TRAPPC11: variants seen among roughly 807,000 people sequenced by gnomAD.
TRAPPC11 encodes the protein foie gras homolog.
Under a neutral mutation model 151.2 loss-of-function variants are expected in TRAPPC11, and 104 were observed. The ratio of observed to expected loss-of-function variants is 0.69; its 90% confidence interval spans 0.59 to 0.81. The LOEUF is 0.81. Ranked by LOEUF, TRAPPC11 falls within the 30% of genes least tolerant of loss-of-function variation. The probability of loss-of-function intolerance (pLI) is 0.00; values close to 1 mark genes in which losing one functional copy is unlikely to be tolerated. For synonymous variants in TRAPPC11, 456 were observed against 472.3 expected, an observed-to-expected ratio of 0.97 and a Z score of 0.45; for missense variants, 1,230 against 1,349.6, an observed-to-expected ratio of 0.91 and a Z score of 1.39.
At chr4:183,670,183 T>C (rs1400058782) in intron 5 of TRAPPC11, among the ~76,000 whole-genome samples, 1 of 152,214 alleles carries the variant, frequency 6.6e-6, no homozygotes, top group African/African-American at 2.4e-5. Flanking sequence ...TTTCAGAGCC[T>C]TTCGAGGTAT....
intron 14 of TRAPPC11, 130 bp downstream of exon 14, chr4:183,684,489 A>G: frequency 9.4e-7 from 1 of 1,068,464 alleles, no homozygotes; most frequent in Non-Finnish European, 1.3e-6. Flanking sequence ...CATTTCTGTA[A>G]TGTTTTTTTC....
chr4:183,680,766 CCTCCATCT>C (rs1395279075), intron 10 of TRAPPC11, among the ~76,000 whole-genome samples: 2 of 143,728 alleles, frequency 1.4e-5, no homozygotes, highest in Non-Finnish European at 3.0e-5. Context: ...CTTACTGCAT[CCTCCATCT>C]CTTCATCTCT....
chr4:183,698,729 G>T (rs1010465189), intron 25 of TRAPPC11, among the ~76,000 whole-genome samples: 1 of 152,024 alleles, frequency 6.6e-6, no homozygotes, highest in Admixed American at 6.6e-5. Context: ...GTATCCTGAC[G>T]TTGGTTCTCT....
intron 7 of TRAPPC11, among the ~76,000 whole-genome samples, chr4:183,676,819 T>C (rs1470992212): frequency 6.6e-6 from 1 of 152,206 alleles, no homozygotes. Flanking sequence ...GGCTGGACTG[T>C]GGTGGCACGA....
Position 183,691,327 on chromosome 4 carries a change from G to A in TRAPPC11, c.1905G>A (p.Gln635=), listed in dbSNP as rs1579201836. 1.3e-6 allele frequency: 2 copies of A among 1,533,106 alleles called. No individual in the cohort carries two copies. The highest frequency in any genetic ancestry group is 8.8e-7 in the Non-Finnish European group (1 of 1,131,544). The allele number at this position is 1,533,106 out of a possible 1,614,324, so 95.0% of individuals were successfully genotyped here. A position where few individuals can be genotyped will look rare whatever the true frequency, so the allele number is the denominator to read the frequency against. ...TTCACCTTTTTCAGGAATACAACCA[G>A]TTCTGTGTAATAGAAGAAGCATCCA... is the stretch of plus-strand genomic sequence containing the variant. The part of the protein sequence containing the change: ...CVSFNNQEYN[Q]FCVIEEASKA... The change falls in exon 19 of 30, where the codon CAG becomes CAA. Residue 635 remains glutamine, a synonymous_variant. Transcript: ENST00000334690.
intron 20 of TRAPPC11, 85 bp from the exon 21 acceptor site, chr4:183,693,504 C>G (rs1367596758): frequency 1.5e-5 from 22 of 1,425,226 alleles, no homozygotes; most frequent in Non-Finnish European, 2.0e-5. Context: ...CTGCACCCAG[C>G]CTCTTATTTC....
At chr4:183,704,702 A>T (rs1197290284) in intron 26 of TRAPPC11, among the ~76,000 whole-genome samples, 1 of 151,920 alleles carries the variant, frequency 6.6e-6, no homozygotes, top group East Asian at 1.9e-4. Context: ...AGTTCCAGCT[A>T]CTCGGGAGGC....
chr4:183,693,949 G>C lies in TRAPPC11; in HGVS notation c.2419G>C (p.Val807Leu). ...QDANLTQKTH[V>L]TLHGTELCDE... ...TGCCAATTTAACTCAGAAGACTCAC[G>C]TGACTCTTCATGGAACAGAACTGTG... The change falls in exon 22 of 30, where the codon GTG (valine) becomes CTG (leucine). Residue 807 changes from valine (V) to leucine (L), a missense_variant. By Grantham distance (32) the Val-to-Leu change is conservative (BLOSUM62 1). Transcript: ENST00000334690. The C allele has an allele frequency of 6.2e-7, 1 of 1,613,834 alleles. No individual in the cohort carries two copies. Among genetic ancestry groups the C allele is most frequent in the Non-Finnish European group, 8.5e-7 (1 of 1,179,792 alleles).
chr4:183,667,891 C>A, intron 4 of TRAPPC11, 112 bp from the exon 5 acceptor site: 1 of 776,086 alleles, frequency 1.3e-6, no homozygotes, highest in Non-Finnish European at 2.2e-6. Flanking sequence ...TGATGAAAAG[C>A]TGTTTGGGTT....
At chr4:183,691,246 G>A in intron 18 of TRAPPC11, 70 bp from the exon 19 acceptor site, 1 of 1,225,344 alleles carries the variant, frequency 8.2e-7, no homozygotes, top group Non-Finnish European at 1.1e-6. Flanking sequence ...TACTAAATGA[G>A]CTCCAAAGCA....
At chr4:183,663,256 CAG>C (rs1341907457) in intron 1 of TRAPPC11, among the ~76,000 whole-genome samples, 2 of 151,932 alleles carry the variant, frequency 1.3e-5, no homozygotes, top group Non-Finnish European at 2.9e-5. Flanking sequence ...GTTTTTGAGA[CAG>C]AGTCTCCCTC....
chr4:183,706,899 G>T lies in TRAPPC11; in HGVS notation c.3148G>T (p.Val1050Leu), dbSNP rs752921672. Residue 1050 changes from valine (V) to leucine (L), a missense_variant, in exon 28 of 30, where the codon GTG becomes TTG. By Grantham distance (32) the Val-to-Leu change is conservative. Coordinates refer to ENST00000334690, the MANE Select transcript of TRAPPC11 (RefSeq NM_021942.6). ...CTTAGTTCAAGATGTAGAAATTTCT[G>T]TGGAGCCCAGTGATGCCTTCATGTT... ...TDLVQDVEIS[V>L]EPSDAFMFSG... 10 of 1,614,108 alleles carry T rather than the reference G, an allele frequency of 6.2e-6. No individual in the cohort carries two copies. In the South Asian group the frequency reaches 9.9e-5, roughly 16 times the overall value.
chr4:183,661,699 A>G (rs1484757573), intron 1 of TRAPPC11, among the ~76,000 whole-genome samples: 2 of 150,378 alleles, frequency 1.3e-5, no homozygotes, highest in Admixed American at 1.3e-4. Flanking sequence ...GCCTCATGAC[A>G]CATTCTTTTT....
rs1470943871 is a variant in TRAPPC11, at chr4:183,680,137, A to G, written c.983A>G (p.Asp328Gly). The change falls in exon 10 of 30, where the codon GAT becomes GGT. Residue 328 changes from aspartate to glycine, a missense_variant. Transcript: ENST00000334690. ...TCTTTAAGATTCCAGGCCTTTGGAG[A>G]TTTATTTGATGAAGCTATTAAGTTA... is the stretch of plus-strand genomic sequence containing the variant. The part of the protein sequence containing the change: ...WMSKQFQAFG[D>G]LFDEAIKLGL... The G allele has an allele frequency of 6.2e-7, 1 of 1,611,810 alleles. No individual in the cohort carries two copies. Among genetic ancestry groups the G allele is most frequent in the Non-Finnish European group, 8.5e-7 (1 of 1,179,214 alleles).
chr4:183,672,960 ATTTTT>A (rs35637688), intron 5 of TRAPPC11, among the ~76,000 whole-genome samples: 1 of 131,020 alleles, frequency 7.6e-6, no homozygotes, highest in African/African-American at 2.9e-5. Flanking sequence ...CCGTTCGCAA[ATTTTT>A]TTTTTTTTTT....
chr4:183,692,929 A>T (rs765423436), intron 19 of TRAPPC11, 31 bp from the exon 20 acceptor site: 55 of 1,577,172 alleles, frequency 3.5e-5, no homozygotes, highest in Non-Finnish European at 4.7e-5. Flanking sequence ...ATATGAGATG[A>T]CATTTCCAAC....
chr4:183,696,880 C>T (rs188067151), intron 23 of TRAPPC11, among the ~76,000 whole-genome samples: 79 of 152,214 alleles, frequency 5.2e-4, no homozygotes, highest in African/African-American at 1.7e-3. Context: ...TTATTATTAT[C>T]TTTCTTATTA....
intron 26 of TRAPPC11, among the ~76,000 whole-genome samples, chr4:183,702,342 TAA>T (rs761830872): frequency 2.0e-4 from 25 of 125,390 alleles, no homozygotes; most frequent in African/African-American, 3.9e-4. Flanking sequence ...AGACCCTGTT[TAA>T]AAAAAAAAAA....
chr4:183,711,159 C>T (rs1737323515), intron 29 of TRAPPC11, among the ~76,000 whole-genome samples: 1 of 151,988 alleles, frequency 6.6e-6, no homozygotes, highest in South Asian at 2.1e-4. Flanking sequence ...TGAGGATTAC[C>T]CTTTCCCACT....
Sources: allele counts gnomAD v4.1 joint callset (sites outside exome capture counted in the v4.1 genomes callset), GRCh38; gene constraint gnomAD v4.1.1; transcripts MANE v1.5; gene names NCBI Gene and HGNC (gene_info 2026-07-23, HGNC 2026-07-21).